Variants in FBXW7 observed in about 807,000 individuals in gnomAD.
FBXW7 encodes F-box and WD repeat domain containing 7.
FBXW7 carries 11 observed loss-of-function variants against 86.3 expected under a neutral mutation model. The observed-to-expected ratio is 0.13, with a 90% CI of 0.08 to 0.21. The LOEUF is 0.21. FBXW7 is among the 10% of genes least tolerant of loss of function. The probability of loss-of-function intolerance (pLI) is 1.00; values close to 1 mark genes in which losing one functional copy is unlikely to be tolerated. For missense variants in FBXW7, 488 were observed against 847.4 expected (o/e 0.58, Z 5.27); for synonymous variants, 313 against 297.9 (o/e 1.05, Z -0.52).
Position 152,322,146 on chromosome 4 carries a change from T to C in FBXW7, c.*735A>G. The C allele has an allele frequency of 4.3e-6, 1 of 233,268 alleles. No individual in the cohort carries two copies. The highest frequency in any genetic ancestry group is 8.5e-6 in the Non-Finnish European group (1 of 117,796). The allele number at this position is 233,268 out of a possible 1,614,324, so 14.4% of individuals were successfully genotyped here. A position where few individuals can be genotyped will look rare whatever the true frequency, so the allele number is the denominator to read the frequency against. On this transcript the variant is annotated 3_prime_UTR_variant, in exon 14 of 14. Transcript: ENST00000281708. Reference sequence around the variant, plus strand: ...GTACAGGGTTGGGACAACAATCCCATATTTGAAGACCTACTTCTAGCACCA... The same window carrying C: ...GTACAGGGTTGGGACAACAATCCCACATTTGAAGACCTACTTCTAGCACCA...
intron 2 of FBXW7, among the ~76,000 whole-genome samples, chr4:152,464,893 A>C (rs1260806582): frequency 1.3e-5 from 2 of 152,226 alleles, no homozygotes; most frequent in Non-Finnish European, 2.9e-5. Flanking sequence ...TGGAAGAAAA[A>C]GGGGTCAGTA....
At chr4:152,362,178 T>C (rs571924266) in intron 4 of FBXW7, among the ~76,000 whole-genome samples, 2 of 152,258 alleles carry the variant, frequency 1.3e-5, no homozygotes, top group Non-Finnish European at 2.9e-5. Context: ...CTGCTCCTGA[T>C]ATGAACAAGT....
chr4:152,352,908 A>G, intron 4 of FBXW7: 2 of 1,434,470 alleles, frequency 1.4e-6, no homozygotes, highest in Non-Finnish European at 1.8e-6. Flanking sequence ...GGATTCAGCA[A>G]TGCAGACTGC....
In FBXW7 at chr4:152,535,681, G is replaced by A. The variant is rs1332045020; in HGVS notation, c.-767C>T. ...GCTGGGACCCCCCTCCCTACACCTT[G>A]GGGGTCTCGCCCCACGCCCCACGGG... is the stretch of plus-strand genomic sequence containing the variant. On this transcript the variant is annotated 5_prime_UTR_variant, in exon 1 of 14. Coordinates refer to ENST00000281708, the MANE Select transcript of FBXW7 (RefSeq NM_001349798.2). 1 of 395,994 alleles carries A rather than the reference G, an allele frequency of 2.5e-6. No homozygotes were observed. Among genetic ancestry groups the A allele is most frequent in the African/African-American group, 2.1e-5 (1 of 48,444 alleles). 24.5% of individuals were successfully genotyped at this position (395,994 alleles called of 1,614,324 possible).
At chr4:152,518,850 T>C (rs574823733) in intron 2 of FBXW7, among the ~76,000 whole-genome samples, 1 of 152,236 alleles carries the variant, frequency 6.6e-6, no homozygotes, top group African/African-American at 2.4e-5. Flanking sequence ...AATACAGATA[T>C]AAAAACTATG....
chr4:152,498,295 C>CAA (rs11410930), intron 2 of FBXW7, among the ~76,000 whole-genome samples: 22,536 of 150,608 alleles, frequency 0.15, 2,593 homozygotes, highest in East Asian at 0.36. Context: ...TTTGTCAAGG[C>CAA]AAAAAAAAAC....
chr4:152,498,087 C>T (rs1373205444), intron 2 of FBXW7, among the ~76,000 whole-genome samples: 2 of 152,204 alleles, frequency 1.3e-5, no homozygotes, highest in East Asian at 1.9e-4. Flanking sequence ...GGAAATCAAA[C>T]GAGGCAAAAG....
intron 6 of FBXW7, among the ~76,000 whole-genome samples, chr4:152,346,141 G>C (rs182172229): frequency 6.6e-6 from 1 of 152,136 alleles, no homozygotes; most frequent in Admixed American, 6.5e-5. Context: ...ACTATCTTAG[G>C]TTATAAAGTT....
chr4:152,341,557 G>A (rs1730740877), intron 6 of FBXW7, among the ~76,000 whole-genome samples: 1 of 152,196 alleles, frequency 6.6e-6, no homozygotes, highest in East Asian at 1.9e-4. Context: ...CAGAAAAGGT[G>A]CTTAATAAAT....
intron 2 of FBXW7, among the ~76,000 whole-genome samples, chr4:152,525,722 T>G (rs1355365587): frequency 6.6e-6 from 1 of 152,230 alleles, no homozygotes; most frequent in Non-Finnish European, 1.5e-5. Flanking sequence ...TTTAGATTGA[T>G]TCCACATCTT....
intron 6 of FBXW7, among the ~76,000 whole-genome samples, chr4:152,342,167 C>A (rs1447189928): frequency 6.6e-6 from 1 of 152,056 alleles, no homozygotes; most frequent in African/African-American, 2.4e-5. Flanking sequence ...GACAAAATTG[C>A]AAATGCAAAT....
chr4:152,436,193 C>T (rs1214869997), intron 2 of FBXW7, among the ~76,000 whole-genome samples: 1 of 152,196 alleles, frequency 6.6e-6, no homozygotes, highest in Non-Finnish European at 1.5e-5. Flanking sequence ...AAAAGTGCTA[C>T]TCCAGTGAAC....
At chr4:152,450,389 C>T (rs1741802960) in intron 2 of FBXW7, among the ~76,000 whole-genome samples, 1 of 152,162 alleles carries the variant, frequency 6.6e-6, no homozygotes, top group Non-Finnish European at 1.5e-5. Context: ...AGCTATTCAT[C>T]GAAAGAGCAC....
chr4:152,526,589 G>A (rs1244570333), intron 2 of FBXW7, among the ~76,000 whole-genome samples: 3 of 152,130 alleles, frequency 2.0e-5, no homozygotes, highest in Non-Finnish European at 2.9e-5. Flanking sequence ...ATCTTAATTT[G>A]AGATGTAAAT....
At chr4:152,377,473 C>A (rs1415366065) in intron 4 of FBXW7, among the ~76,000 whole-genome samples, 1 of 151,880 alleles carries the variant, frequency 6.6e-6, no homozygotes, top group Non-Finnish European at 1.5e-5. Flanking sequence ...AGTGATTAGG[C>A]CAGGCACGGT....
chr4:152,521,158 C>G (rs1314480406), intron 2 of FBXW7, among the ~76,000 whole-genome samples: 1 of 151,924 alleles, frequency 6.6e-6, no homozygotes, highest in Non-Finnish European at 1.5e-5. Flanking sequence ...GACTCTTGCC[C>G]TCAAAGAACT....
chr4:152,321,446 TAAAC>T lies in FBXW7; in HGVS notation c.*1431_*1434del, dbSNP rs1250154248. 3 of 232,792 alleles carry T rather than the reference TAAAC, an allele frequency of 1.3e-5. No individual in the cohort carries two copies. Among genetic ancestry groups the T allele is most frequent in the African/African-American group, 4.4e-5 (2 of 45,268 alleles). 14.4% of individuals were successfully genotyped at this position (232,792 alleles called of 1,614,324 possible). On this transcript the variant is annotated 3_prime_UTR_variant, in exon 14 of 14. Transcript: ENST00000281708. ...ACTATAAATAAAACAAACAAAAAAA[TAAAC>T]AGAAGGAGGAAAAAAGATCGCCTAG...
chr4:152,323,402 C>T (rs1199165594), intron 13 of FBXW7: 1 of 518,816 alleles, frequency 1.9e-6, no homozygotes, highest in Non-Finnish European at 3.4e-6. Context: ...ACCAGACAAA[C>T]ATCTTATTTT....
chr4:152,330,219 A>G (rs899135994), intron 9 of FBXW7, among the ~76,000 whole-genome samples: 3 of 151,920 alleles, frequency 2.0e-5, no homozygotes, highest in Admixed American at 6.6e-5. Flanking sequence ...TAGTATAACA[A>G]TGTCTCCCCA....
Sources: allele counts gnomAD v4.1 joint callset (sites outside exome capture counted in the v4.1 genomes callset), GRCh38; gene constraint gnomAD v4.1.1; transcripts MANE v1.5; gene names NCBI Gene and HGNC (gene_info 2026-07-23, HGNC 2026-07-21).